Variants in CHSY3 observed in about 807,000 individuals in gnomAD.
The protein encoded by CHSY3 is N-acetylgalactosaminyl-proteoglycan 3-beta-glucuronosyltransferase 3.
Under a neutral mutation model 67.2 loss-of-function variants are expected in CHSY3, and 35 were observed. The ratio of observed to expected loss-of-function variants is 0.52; its 90% CI spans 0.40 to 0.69. The LOEUF is 0.69. Ranked by LOEUF, CHSY3 falls within the 30% of genes least tolerant of loss-of-function variation. CHSY3 has a pLI of 0.00. For synonymous variants in CHSY3, 474 were observed against 434.7 expected (o/e 1.09, Z -1.12); for missense variants, 1,069 against 1,138.5 (o/e 0.94, Z 0.88).
chr5:130,158,929 T>C (rs1769447363), intron 2 of CHSY3, among the ~76,000 whole-genome samples: 1 of 152,014 alleles, frequency 6.6e-6, no homozygotes, highest in Non-Finnish European at 1.5e-5. Context: ...GCCTCCCAAG[T>C]AGCTGGAACT....
chr5:130,128,295 T>C (rs902043127), intron 2 of CHSY3, among the ~76,000 whole-genome samples: 1 of 151,632 alleles, frequency 6.6e-6, no homozygotes, highest in Non-Finnish European at 1.5e-5. Flanking sequence ...CATATATACA[T>C]GTTATGATGT....
chr5:130,135,616 G>C (rs551530010), intron 2 of CHSY3, among the ~76,000 whole-genome samples: 15 of 151,920 alleles, frequency 9.9e-5, no homozygotes, highest in African/African-American at 3.6e-4. Flanking sequence ...ATTTTTCTCT[G>C]CCTCTCCATA....
intron 2 of CHSY3, among the ~76,000 whole-genome samples, chr5:130,100,127 A>C (rs1455028850): frequency 6.6e-6 from 1 of 152,196 alleles, no homozygotes; most frequent in African/African-American, 2.4e-5. Flanking sequence ...AGGTATGGGA[A>C]TATTCATAGA....
At position 130,185,814 on chromosome 5, in the gene CHSY3, C is replaced by CT. The variant is rs948048154; in HGVS notation, c.*29dup. 3.4e-6 allele frequency: 5 copies of CT among 1,485,546 alleles called. No homozygotes were observed. In the African/African-American group the frequency reaches 5.6e-5, roughly 17 times the overall value. 92.0% of individuals were successfully genotyped at this position (1,485,546 alleles called of 1,614,324 possible). Reference sequence around the variant, plus strand: ...TGACAGTCCAGGCAACACATTTTGCCTTTTTTAAGGGGAGTTTACCTCATT... The same window carrying CT: ...TGACAGTCCAGGCAACACATTTTGCCTTTTTTTAAGGGGAGTTTACCTCATT... On this transcript the variant is annotated 3_prime_UTR_variant, in exon 3 of 3. Coordinates refer to ENST00000305031, the MANE Select transcript of CHSY3 (RefSeq NM_175856.5).
At chr5:129,906,378 G>T (rs1054134604) in intron 1 of CHSY3, among the ~76,000 whole-genome samples, 1 of 152,166 alleles carries the variant, frequency 6.6e-6, no homozygotes, top group Non-Finnish European at 1.5e-5. Flanking sequence ...AAAGAGGAAA[G>T]CACCCGCTAA....
chr5:130,023,544 A>G (rs1016382269), intron 2 of CHSY3, among the ~76,000 whole-genome samples: 1 of 152,100 alleles, frequency 6.6e-6, no homozygotes. Flanking sequence ...TTTAAAACTA[A>G]TGTGTTTAAA....
chr5:130,071,871 C>T (rs570555016), intron 2 of CHSY3, among the ~76,000 whole-genome samples: 53 of 152,112 alleles, frequency 3.5e-4, no homozygotes, highest in Non-Finnish European at 7.2e-4. Context: ...TTACCTTTCT[C>T]TTTTTGATAG....
intron 2 of CHSY3, among the ~76,000 whole-genome samples, chr5:130,000,381 G>A (rs1291968766): frequency 6.6e-6 from 1 of 152,166 alleles, no homozygotes; most frequent in Non-Finnish European, 1.5e-5. Context: ...AATTATATCT[G>A]ATTTTAAATT....
chr5:130,042,899 G>A (rs1347133050), intron 2 of CHSY3, among the ~76,000 whole-genome samples: 2 of 151,970 alleles, frequency 1.3e-5, no homozygotes, highest in Admixed American at 6.6e-5. Flanking sequence ...TTTTATTTTC[G>A]AGTTCTTCAG....
intron 2 of CHSY3, among the ~76,000 whole-genome samples, chr5:130,096,623 T>G (rs553897395): frequency 1.0e-3 from 156 of 151,834 alleles, no homozygotes; most frequent in African/African-American, 3.5e-3. Flanking sequence ...CAAAATAAAG[T>G]TTTTTTTTAA....
Position 130,026,580 on chromosome 5 carries a change from A to G in CHSY3, c.1086+118220A>G, listed in dbSNP as rs1764550468. On this transcript the variant is annotated intron_variant, in intron 2 of 2. Coordinates refer to ENST00000305031, the MANE Select transcript of CHSY3 (RefSeq NM_175856.5). ...ATTTTGCCTTGTAATTCTGAACCTAATTTGCATTCTTATAAGAAAATCATG... is the reference window on the plus strand; with the variant it reads ...ATTTTGCCTTGTAATTCTGAACCTAGTTTGCATTCTTATAAGAAAATCATG... 2.0e-5 allele frequency among the ~76,000 whole-genome samples: 3 copies of G among 152,196 alleles called. No individual in the cohort carries two copies. In the South Asian group the frequency reaches 6.2e-4, roughly 32 times the overall value.
chr5:130,143,768 G>GTA (rs1299433610), intron 2 of CHSY3, among the ~76,000 whole-genome samples: 999 of 64,800 alleles, frequency 0.015, 57 homozygotes, highest in Admixed American at 0.042. Context: ...GTGTGTGTGT[G>GTA]TATATATATA....
At chr5:130,084,706 T>C (rs751962016) in intron 2 of CHSY3, among the ~76,000 whole-genome samples, 8 of 151,930 alleles carry the variant, frequency 5.3e-5, no homozygotes, top group Non-Finnish European at 1.2e-4. Context: ...TCTATTAATG[T>C]CTTATGTCTC....
chr5:130,159,068 G>A (rs1280408889), intron 2 of CHSY3, among the ~76,000 whole-genome samples: 2 of 151,834 alleles, frequency 1.3e-5, no homozygotes, highest in Non-Finnish European at 2.9e-5. Flanking sequence ...CCAAAGTGCT[G>A]GGATTACAGG....
intron 2 of CHSY3, among the ~76,000 whole-genome samples, chr5:129,940,955 A>C (rs1213010615): frequency 2.0e-5 from 3 of 152,160 alleles, no homozygotes; most frequent in Non-Finnish European, 4.4e-5. Flanking sequence ...ACGGTGGCTC[A>C]TGCCTATTAT....
chr5:130,120,186 G>A (rs1186089973), intron 2 of CHSY3, among the ~76,000 whole-genome samples: 1 of 152,132 alleles, frequency 6.6e-6, no homozygotes, highest in Non-Finnish European at 1.5e-5. Flanking sequence ...TATAGGGAGA[G>A]TCTTCCAGCC....
intron 2 of CHSY3, among the ~76,000 whole-genome samples, chr5:129,914,320 T>C (rs1760668738): frequency 1.3e-5 from 2 of 152,030 alleles, no homozygotes; most frequent in African/African-American, 4.8e-5. Context: ...TCCATGTTGG[T>C]CAGGATGGCC....
At chr5:130,007,026 A>C (rs1190004395) in intron 2 of CHSY3, among the ~76,000 whole-genome samples, 1 of 152,194 alleles carries the variant, frequency 6.6e-6, no homozygotes, top group Non-Finnish European at 1.5e-5. Context: ...AAAAGCACTT[A>C]GGTGATATTC....
chr5:130,179,766 T>C (rs762106203), intron 2 of CHSY3, among the ~76,000 whole-genome samples: 4 of 152,180 alleles, frequency 2.6e-5, no homozygotes, highest in Non-Finnish European at 4.4e-5. Flanking sequence ...TGTTACACTA[T>C]TTTTCTTTTT....
Sources: gnomAD v4.1 joint callset for allele counts (sites outside exome capture counted in the v4.1 genomes callset) on GRCh38, gnomAD v4.1.1 for gene constraint, MANE v1.5 for transcripts, NCBI Gene and HGNC (gene_info 2026-07-23, HGNC 2026-07-21) for gene names.